Variants in CENPW observed in about 807,000 individuals in gnomAD.
The protein encoded by CENPW is cancer-up-regulated gene 2 protein.
A neutral mutation model predicts 11.1 loss-of-function variants in CENPW; 3 were observed. That is an observed-to-expected ratio of 0.27 (90% confidence interval 0.12 to 0.70). CENPW has a LOEUF of 0.70. CENPW is among the 30% of genes least tolerant of loss of function. The pLI is 0.77. For synonymous variants in CENPW, 38 were observed against 42.0 expected (o/e 0.91, Z 0.37); for missense variants, 100 against 105.6 (o/e 0.95, Z 0.23).
chr6:126,481,266 T>A, the CENPW span, among the ~76,000 whole-genome samples: 47 of 152,188 alleles, frequency 3.1e-4, no homozygotes, highest in African/African-American at 1.1e-3. Context: ...GTAGTGGATA[T>A]AACTAAGCAA....
the CENPW span, among the ~76,000 whole-genome samples, chr6:126,367,338 A>G: frequency 1.2e-3 from 181 of 152,280 alleles, 1 homozygote; most frequent in African/African-American, 4.2e-3. Flanking sequence ...AAATTTAAAA[A>G]TTAGTGATCA....
chr6:126,476,983 T>A, the CENPW span, among the ~76,000 whole-genome samples: 2 of 151,900 alleles, frequency 1.3e-5, no homozygotes, highest in East Asian at 3.9e-4. Flanking sequence ...ATATAGTAAA[T>A]GAGTAAAGGA....
the CENPW span, among the ~76,000 whole-genome samples, chr6:126,370,068 G>T: frequency 6.6e-6 from 1 of 152,132 alleles, no homozygotes; most frequent in African/African-American, 2.4e-5. Context: ...CTGTGTCAAA[G>T]ATCAGTTGGT....
the CENPW span, among the ~76,000 whole-genome samples, chr6:126,387,187 T>C: frequency 3.5e-4 from 53 of 152,062 alleles, no homozygotes; most frequent in African/African-American, 1.1e-3. Flanking sequence ...TCCTAACTCA[T>C]CTTTACCTTT....
chr6:126,368,675 C>G, the CENPW span, among the ~76,000 whole-genome samples: 1 of 151,294 alleles, frequency 6.6e-6, no homozygotes, highest in East Asian at 1.9e-4. Context: ...GTTGGAGTCT[C>G]ACTCTGTTGC....
chr6:126,340,800 G>A (rs1236153702), intron 1 of CENPW, among the ~76,000 whole-genome samples: 1 of 152,086 alleles, frequency 6.6e-6, no homozygotes, highest in South Asian at 2.1e-4. Context: ...TTTTTATTTA[G>A]CTATTGTAAA....
the CENPW span, among the ~76,000 whole-genome samples, chr6:126,397,362 C>T: frequency 6.6e-6 from 1 of 152,280 alleles, no homozygotes; most frequent in Middle Eastern, 3.4e-3. Flanking sequence ...CACTGGCTCA[C>T]AGGACTCTGT....
chr6:126,346,966 A>T (rs1780423761), intron 2 of CENPW, among the ~76,000 whole-genome samples: 1 of 152,194 alleles, frequency 6.6e-6, no homozygotes, highest in South Asian at 2.1e-4. Context: ...GGAAAAAAAA[A>T]TCTCTTATAA....
the CENPW span, among the ~76,000 whole-genome samples, chr6:126,386,698 C>T: frequency 8.6e-6 from 1 of 116,366 alleles, no homozygotes; most frequent in Non-Finnish European, 1.9e-5. Flanking sequence ...TATTCAACAC[C>T]CTTTTTTATT....
chr6:126,446,960 T>C, the CENPW span, among the ~76,000 whole-genome samples: 1 of 151,248 alleles, frequency 6.6e-6, no homozygotes, highest in Non-Finnish European at 1.5e-5. Context: ...CCAAGTTTGA[T>C]ACAGATCTTA....
At chr6:126,350,313 A>T (rs866113900), downstream of CENPW, among the ~76,000 whole-genome samples, 3 of 152,174 alleles carry the variant, frequency 2.0e-5, no homozygotes, top group South Asian at 6.2e-4. Context: ...CACAGTTTTG[A>T]TGGGCGGAAG....
chr6:126,456,161 C>A, the CENPW span, among the ~76,000 whole-genome samples: 2 of 151,410 alleles, frequency 1.3e-5, no homozygotes, highest in African/African-American at 4.8e-5. Flanking sequence ...AATCCTATTC[C>A]TATCAAACTA....
At chr6:126,408,763 G>T in the CENPW span, among the ~76,000 whole-genome samples, 3 of 151,726 alleles carry the variant, frequency 2.0e-5, no homozygotes, top group Non-Finnish European at 2.9e-5. Flanking sequence ...CCATTTTGTT[G>T]TATGGTTATT....
the CENPW span, among the ~76,000 whole-genome samples, chr6:126,425,963 C>CA: frequency 1.1e-4 from 16 of 151,652 alleles, no homozygotes; most frequent in African/African-American, 2.9e-4. Context: ...TTATGTATTA[C>CA]AAAAAAATGA....
At chr6:126,425,380 T>G in the CENPW span, among the ~76,000 whole-genome samples, 1 of 152,082 alleles carries the variant, frequency 6.6e-6, no homozygotes, top group Non-Finnish European at 1.5e-5. Context: ...TCTTTTACTC[T>G]CTCTCAAGAA....
At chr6:126,405,897 G>A in the CENPW span, among the ~76,000 whole-genome samples, 2 of 151,824 alleles carry the variant, frequency 1.3e-5, no homozygotes, top group East Asian at 3.9e-4. Flanking sequence ...TTTGTGGGGG[G>A]GGTCTTTAGA....
chr6:126,368,357 A>G, the CENPW span, among the ~76,000 whole-genome samples: 2 of 152,190 alleles, frequency 1.3e-5, no homozygotes, highest in Non-Finnish European at 2.9e-5. Context: ...AGCACAGTAA[A>G]GGTTCTGTAA....
At chr6:126,418,631 C>G in the CENPW span, among the ~76,000 whole-genome samples, 2 of 152,002 alleles carry the variant, frequency 1.3e-5, no homozygotes, top group East Asian at 3.9e-4. Flanking sequence ...CTAATGTAAA[C>G]TTTTAAAAAA....
At chr6:126,460,416 T>C in the CENPW span, among the ~76,000 whole-genome samples, 17 of 151,888 alleles carry the variant, frequency 1.1e-4, no homozygotes, top group Admixed American at 9.2e-4. Context: ...TATTCATGTT[T>C]GCACAATTGC....
Sources: gnomAD v4.1 joint callset for allele counts (sites outside exome capture counted in the v4.1 genomes callset) on GRCh38, gnomAD v4.1.1 for gene constraint, MANE v1.5 for transcripts, NCBI Gene and HGNC (gene_info 2026-07-23, HGNC 2026-07-21) for gene names.